PRKCB: variants seen among roughly 807,000 people sequenced by gnomAD.
The protein encoded by PRKCB is protein kinase C beta, also known as protein kinase C beta type.
In PRKCB, 13 loss-of-function variants were observed where a neutral mutation model predicts 81.5. That is an observed-to-expected ratio of 0.16 (90% CI 0.10 to 0.25). The LOEUF (loss-of-function observed/expected upper bound fraction) is 0.25, where lower values mean the gene tolerates loss of function less well. Among genes scored for constraint, PRKCB ranks in the 10% least tolerant of loss-of-function variants. The pLI, the probability that PRKCB is intolerant of heterozygous loss-of-function variation, is 1.00. For missense variants in PRKCB, 509 were observed against 875.7 expected (o/e 0.58, Z 5.29); for synonymous variants, 335 against 321.4 (o/e 1.04, Z -0.45).
At chr16:24,129,423 G>A (rs1966849761) in intron 9 of PRKCB, among the ~76,000 whole-genome samples, 1 of 151,836 alleles carries the variant, frequency 6.6e-6, no homozygotes, top group Non-Finnish European at 1.5e-5. Flanking sequence ...GTATTTACTG[G>A]AAAACAGAAA....
chr16:24,217,587 A>C lies in PRKCB; in HGVS notation c.*2771A>C, dbSNP rs1437170409. On this transcript the variant is annotated 3_prime_UTR_variant, in exon 17 of 17. Coordinates refer to ENST00000643927, the MANE Select transcript of PRKCB (RefSeq NM_002738.7). Reference sequence around the variant, plus strand: ...GAGTATTTTCTCTGGGGATCTGCCCACAGGACAAAGTCCATAAAAGCAAGT... The same window carrying C: ...GAGTATTTTCTCTGGGGATCTGCCCCCAGGACAAAGTCCATAAAAGCAAGT... 3.0e-6 allele frequency: 3 copies of C among 985,494 alleles called. No homozygotes were observed. The highest frequency in any genetic ancestry group is 3.6e-6 in the Non-Finnish European group (3 of 829,952). The allele number at this position is 985,494 out of a possible 1,614,324, so 61.0% of individuals were successfully genotyped here.
At chr16:24,177,725 G>A (rs1967556787) in intron 12 of PRKCB, among the ~76,000 whole-genome samples, 1 of 152,190 alleles carries the variant, frequency 6.6e-6, no homozygotes, top group Non-Finnish European at 1.5e-5. Context: ...CGTGGAACAA[G>A]GGGTGATGTG....
At chr16:23,947,522 T>C (rs1306519067) in intron 2 of PRKCB, among the ~76,000 whole-genome samples, 3 of 152,202 alleles carry the variant, frequency 2.0e-5, no homozygotes, top group African/African-American at 7.2e-5. Flanking sequence ...CTTTCTAGTT[T>C]AGGCATTCTG....
At chr16:23,895,541 C>T (rs957463141) in intron 2 of PRKCB, among the ~76,000 whole-genome samples, 2 of 151,988 alleles carry the variant, frequency 1.3e-5, no homozygotes, top group African/African-American at 4.8e-5. Context: ...TTTTCAACAC[C>T]TTTGTATTTT....
chr16:23,883,812 A>G (rs1280431990), intron 2 of PRKCB, among the ~76,000 whole-genome samples: 1 of 152,172 alleles, frequency 6.6e-6, no homozygotes, highest in Non-Finnish European at 1.5e-5. Context: ...CCATAACCAC[A>G]TTTTGTAGAT....
intron 5 of PRKCB, among the ~76,000 whole-genome samples, chr16:24,060,308 A>T (rs1253025657): frequency 6.6e-6 from 1 of 152,080 alleles, no homozygotes; most frequent in Non-Finnish European, 1.5e-5. Flanking sequence ...TGAAACAAGA[A>T]TGTCTCTCAG....
chr16:24,178,992 T>A (rs562766972), intron 12 of PRKCB, among the ~76,000 whole-genome samples: 68 of 152,326 alleles, frequency 4.5e-4, no homozygotes, highest in Non-Finnish European at 8.4e-4. Context: ...TTTATCACCC[T>A]CCCTCTAGGC....
chr16:23,964,788 G>A lies in PRKCB; in HGVS notation c.206-23720G>A, dbSNP rs563688593. Among the ~76,000 whole-genome samples the A allele has an allele frequency of 1.1e-4, 16 of 151,578 alleles. No homozygotes were observed. In the South Asian group the frequency reaches 1.7e-3, roughly 16 times the overall value. ...GGGTTCAAGTGATTCTCCTGCTTCA[G>A]CCTCCCCAGTAGCTGGGATTATAGG... is the stretch of plus-strand genomic sequence containing the variant. On this transcript the variant is annotated intron_variant, in intron 2 of 16. Transcript: ENST00000643927.
At chr16:23,888,662 G>A (rs1051606276) in intron 2 of PRKCB, among the ~76,000 whole-genome samples, 3 of 146,132 alleles carry the variant, frequency 2.1e-5, no homozygotes, top group Non-Finnish European at 4.4e-5. Flanking sequence ...TGCCACCCTC[G>A]TCATGTTTCT....
intron 3 of PRKCB, among the ~76,000 whole-genome samples, chr16:23,993,815 A>G (rs188347295): frequency 1.2e-4 from 18 of 152,340 alleles, no homozygotes; most frequent in South Asian, 1.0e-3. Context: ...ATGCAGACCT[A>G]TGGCACTGCC....
At chr16:23,916,715 A>G (rs1195075932) in intron 2 of PRKCB, among the ~76,000 whole-genome samples, 3 of 152,140 alleles carry the variant, frequency 2.0e-5, no homozygotes, top group Non-Finnish European at 4.4e-5. Flanking sequence ...TCACTTCACA[A>G]TATCCTGTAT....
chr16:24,109,925 C>T (rs892059618), intron 7 of PRKCB, among the ~76,000 whole-genome samples: 3 of 127,176 alleles, frequency 2.4e-5, no homozygotes, highest in Non-Finnish European at 4.8e-5. Flanking sequence ...GCCAACACAG[C>T]GAAACCCCGT....
At chr16:23,864,311 GC>G (rs1307288490) in intron 2 of PRKCB, among the ~76,000 whole-genome samples, 4 of 152,124 alleles carry the variant, frequency 2.6e-5, no homozygotes, top group African/African-American at 9.7e-5. Context: ...GATATTTATT[GC>G]CGGGCACAGT....
chr16:24,171,989 C>T (rs1236036029), intron 10 of PRKCB, among the ~76,000 whole-genome samples: 1 of 152,150 alleles, frequency 6.6e-6, no homozygotes, highest in East Asian at 1.9e-4. Context: ...GTGATCTGCC[C>T]ACCTCAGCCT....
chr16:24,081,735 G>T (rs7197977), intron 5 of PRKCB, among the ~76,000 whole-genome samples: 1 of 152,016 alleles, frequency 6.6e-6, no homozygotes, highest in Non-Finnish European at 1.5e-5. Flanking sequence ...TTAGTCGGGC[G>T]TGGTGGCAGA....
intron 3 of PRKCB, among the ~76,000 whole-genome samples, chr16:23,991,172 TG>T (rs1336926596): frequency 6.6e-6 from 1 of 152,078 alleles, no homozygotes; most frequent in Non-Finnish European, 1.5e-5. Context: ...TGCTGCAAAC[TG>T]GGGTGGGAGT....
At chr16:23,836,461 C>T (rs1962160078) in intron 1 of PRKCB, 113 bp downstream of exon 1, 1 of 1,422,024 alleles carries the variant, frequency 7.0e-7, no homozygotes, top group East Asian at 2.7e-5. Flanking sequence ...TGGGACCCCG[C>T]GTCTCCGGAC....
chr16:23,964,682 T>C (rs1596489768), intron 2 of PRKCB, among the ~76,000 whole-genome samples: 1 of 151,724 alleles, frequency 6.6e-6, no homozygotes. Flanking sequence ...AGGTTTTTTT[T>C]TTTTTTTTGG....
chr16:23,837,102 C>A, intron 1 of PRKCB: 1 of 531,210 alleles, frequency 1.9e-6, no homozygotes, highest in East Asian at 3.6e-5. Flanking sequence ...CTGTCGCCTG[C>A]CTTCAGCCCC....
Sources: gnomAD v4.1 joint callset for allele counts (sites outside exome capture counted in the v4.1 genomes callset) on GRCh38, gnomAD v4.1.1 for gene constraint, MANE v1.5 for transcripts, NCBI Gene and HGNC (gene_info 2026-07-23, HGNC 2026-07-21) for gene names.